The following DAGLA variants were observed in gnomAD, a reference collection of about 807,000 sequenced individuals.
The protein encoded by DAGLA is diacylglycerol lipase-alpha.
Under a neutral mutation model 102.6 loss-of-function variants are expected in DAGLA, and 22 were observed. That is an observed-to-expected ratio of 0.21 (90% CI 0.15 to 0.31). The LOEUF (loss-of-function observed/expected upper bound fraction) is 0.31. Ranked by LOEUF, DAGLA falls within the 10% of genes least tolerant of loss-of-function variation. The pLI is 1.00. For missense variants in DAGLA, 927 were observed against 1,446.6 expected (o/e 0.64, Z 5.83); for synonymous variants, 578 against 628.9 (o/e 0.92, Z 1.21).
At chr11:61,719,467 A>C (rs978211822) in intron 1 of DAGLA, among the ~76,000 whole-genome samples, 27 of 152,224 alleles carry the variant, frequency 1.8e-4, no homozygotes, top group Admixed American at 5.2e-4. Context: ...TGATGGGTTC[A>C]AAACCAAGTC....
Position 61,684,162 on chromosome 11 carries a change from G to A in DAGLA, c.-45+3658G>A, listed in dbSNP as rs1444819283. ...CACTCCTCCCCCAGTCCCTCTCCTC[G>A]AGACCAGAGGGGAACCTCAGTGTTT... On this transcript the variant is annotated intron_variant, in intron 1 of 19. Transcript: ENST00000257215. The surrounding 1 kb of genome is among the most constrained non-coding windows in gnomAD (Gnocchi z 4.5). Among the ~76,000 whole-genome samples, 1 of 152,178 alleles carries A rather than the reference G, an allele frequency of 6.6e-6. No individual in the cohort carries two copies. The highest frequency in any genetic ancestry group is 1.5e-5 in the Non-Finnish European group (1 of 68,038).
chr11:61,737,107 G>T, intron 13 of DAGLA, 75 bp from the exon 14 acceptor site: 1 of 1,591,364 alleles, frequency 6.3e-7, no homozygotes. Flanking sequence ...AAGACCCTCT[G>T]CCTCCCTTGG....
Position 61,743,610 on chromosome 11 carries a change from C to A in DAGLA, c.2250C>A (p.Ala750=). 1 of 1,578,896 alleles carries A rather than the reference C, an allele frequency of 6.3e-7. No homozygotes were observed. Among genetic ancestry groups the A allele is most frequent in the Admixed American group, 1.8e-5 (1 of 56,042 alleles). The stretch of plus-strand genomic sequence containing the variant: ...TGTCGCCAGTGGTTGCGGCGGCGGC[C>A]CGCCAGGACCCGGTGGAGCTGCTGC... ...RLLSPVVAAA[A]RQDPVELLLL... The change falls in exon 20 of 20, where the codon GCC becomes GCA. Residue 750 remains alanine, a synonymous_variant. Coordinates refer to ENST00000257215, the MANE Select transcript of DAGLA (RefSeq NM_006133.3).
chr11:61,726,099 C>T lies in DAGLA; in HGVS notation c.636+17C>T, dbSNP rs181148310. On this transcript the variant is annotated intron_variant, in intron 6 of 19. Transcript: ENST00000257215. The stretch of plus-strand genomic sequence containing the variant: ...TCCCAGTCAGTAAGTACTGGGAGGT[C>T]GCTCCCCTCTGGCTCACATCCTGTG... 12 of 1,605,768 alleles carry T rather than the reference C, an allele frequency of 7.5e-6. No homozygotes were observed. Among genetic ancestry groups the T allele is most frequent in the African/African-American group, 5.3e-5 (4 of 74,964 alleles).
At chr11:61,702,916 A>C (rs567006184) in intron 1 of DAGLA, among the ~76,000 whole-genome samples, 2 of 152,348 alleles carry the variant, frequency 1.3e-5, no homozygotes, top group East Asian at 3.9e-4. Flanking sequence ...TGAAGATGCC[A>C]CATTTCCTCC....
chr11:61,737,717 C>T lies in DAGLA; in HGVS notation c.1545C>T (p.Phe515=), dbSNP rs202095436. The T allele has an allele frequency of 2.4e-5, 39 of 1,614,080 alleles. 1 individual carries two copies. The South Asian group carries it at 3.1e-4, about 13-fold the overall frequency. The change falls in exon 15 of 20, where the codon TTC becomes TTT. Residue 515 remains phenylalanine, a synonymous_variant. Coordinates refer to ENST00000257215, the MANE Select transcript of DAGLA (RefSeq NM_006133.3). ...ATGCGATGGAGTATTCCAAGGAGTT[C>T]GTGACTGCTGTGGTTCTGGGCAAAG... ...SEDAMEYSKE[F]VTAVVLGKDL...
chr11:61,725,352 G>A (rs1487107473), intron 5 of DAGLA, among the ~76,000 whole-genome samples: 1 of 152,208 alleles, frequency 6.6e-6, no homozygotes, highest in Non-Finnish European at 1.5e-5. Context: ...CTGGGGATGG[G>A]GTTGGGGGGT....
At chr11:61,703,068 G>C (rs371086099) in intron 1 of DAGLA, among the ~76,000 whole-genome samples, 2 of 152,176 alleles carry the variant, frequency 1.3e-5, no homozygotes, top group East Asian at 3.9e-4. Context: ...CTGGGTTCTG[G>C]GTGCAGCTCT....
chr11:61,743,513 C>T lies in DAGLA; in HGVS notation c.2172-19C>T. The T allele has an allele frequency of 2.7e-6, 4 of 1,501,664 alleles. No homozygotes were observed. Among genetic ancestry groups the T allele is most frequent in the South Asian group, 1.3e-5 (1 of 75,198 alleles). 93.0% of individuals were successfully genotyped at this position (1,501,664 alleles called of 1,614,324 possible). On this transcript the variant is annotated intron_variant, in intron 19 of 19. Coordinates refer to ENST00000257215, the MANE Select transcript of DAGLA (RefSeq NM_006133.3). ...TCCCTTCTGAGTCTTATACCCCCTG[C>T]TCTCCTCTCCCTCTGCAGGAGCAAG...
At chr11:61,692,727 T>C (rs2065033557) in intron 1 of DAGLA, among the ~76,000 whole-genome samples, 1 of 151,928 alleles carries the variant, frequency 6.6e-6, no homozygotes, top group East Asian at 1.9e-4. Flanking sequence ...TGTGGGGTTT[T>C]CTCACACCGA....
At chr11:61,703,678 AATGGATGGATGGATGGATGG>A (rs10664991) in intron 1 of DAGLA, among the ~76,000 whole-genome samples, 1 of 149,460 alleles carries the variant, frequency 6.7e-6, no homozygotes, top group Non-Finnish European at 1.5e-5. Flanking sequence ...AGGATGGAGG[AATGGATGGATGGATGGATGG>A]ATGGATGGAT....
rs1044870603 is a variant in DAGLA, at chr11:61,686,662, G to T, written c.-45+6158G>T. Among the ~76,000 whole-genome samples, 17 of 152,326 alleles carry T rather than the reference G, an allele frequency of 1.1e-4. No homozygotes were observed. The highest frequency in any genetic ancestry group is 4.1e-4 in the African/African-American group (17 of 41,572). Reference sequence around the variant, plus strand: ...TGGCCAGGGAGCCTGCGGCTCTGGGGTGGAGGTCGGGACGGTGGCCCTCCG... The same window carrying T: ...TGGCCAGGGAGCCTGCGGCTCTGGGTTGGAGGTCGGGACGGTGGCCCTCCG... On this transcript the variant is annotated intron_variant, in intron 1 of 19. Transcript: ENST00000257215. This position sits in a 1 kb window ranked among gnomAD's most constrained non-coding sequence, Gnocchi z 5.2.
intron 12 of DAGLA, 63 bp from the exon 13 acceptor site, chr11:61,736,207 T>C: frequency 7.2e-7 from 1 of 1,392,838 alleles, no homozygotes; most frequent in Non-Finnish European, 1.0e-6. Flanking sequence ...TGCAGGTCAC[T>C]GTGGGTTTGC....
chr11:61,721,767 G>A (rs183045428), intron 3 of DAGLA, among the ~76,000 whole-genome samples: 1 of 152,366 alleles, frequency 6.6e-6, no homozygotes, highest in East Asian at 1.9e-4. Flanking sequence ...ACTGGGCTAG[G>A]CCCTTTTTCC....
chr11:61,727,715 C>A (rs1053958261), intron 6 of DAGLA, among the ~76,000 whole-genome samples: 2 of 152,194 alleles, frequency 1.3e-5, no homozygotes, highest in African/African-American at 4.8e-5. Flanking sequence ...AGAGGCCTTA[C>A]GAGGGACTTC....
chr11:61,714,563 G>A (rs2065220864), intron 1 of DAGLA, among the ~76,000 whole-genome samples: 1 of 152,254 alleles, frequency 6.6e-6, no homozygotes, highest in Non-Finnish European at 1.5e-5. Flanking sequence ...GCTCCCTGTG[G>A]TGACACGCTA....
At chr11:61,715,468 C>G (rs1282615508) in intron 1 of DAGLA, among the ~76,000 whole-genome samples, 2 of 152,220 alleles carry the variant, frequency 1.3e-5, no homozygotes, top group African/African-American at 4.8e-5. Flanking sequence ...TCTTCCCCCC[C>G]ATCCCCCTGG....
chr11:61,729,701 G>A (rs565128741), intron 8 of DAGLA, among the ~76,000 whole-genome samples: 19 of 152,316 alleles, frequency 1.2e-4, no homozygotes, highest in Non-Finnish European at 2.4e-4. Flanking sequence ...GAGAGGACAC[G>A]AGCCATTCCC....
intron 1 of DAGLA, among the ~76,000 whole-genome samples, chr11:61,716,990 T>C (rs1471067818): frequency 1.3e-5 from 2 of 152,050 alleles, no homozygotes; most frequent in African/African-American, 4.8e-5. Context: ...AGTGCCCCTG[T>C]GGCCCCTGCT....
Sources: gnomAD v4.1 joint callset for allele counts (sites outside exome capture counted in the v4.1 genomes callset) on GRCh38, gnomAD v4.1.1 for gene constraint, Gnocchi (gnomAD v3.1) non-coding constraint, MANE v1.5 for transcripts, NCBI Gene and HGNC (gene_info 2026-07-23, HGNC 2026-07-21) for gene names.